Variants in SH3TC1 observed in about 807,000 individuals in gnomAD.
The protein encoded by SH3TC1 is SH3 domain and tetratricopeptide repeats 1.
Under a neutral mutation model 117.3 loss-of-function variants are expected in SH3TC1, and 135 were observed. The ratio of observed to expected loss-of-function variants is 1.15; its 90% CI spans 1.00 to 1.33. The LOEUF is 1.33. SH3TC1 is among the 40% of genes most tolerant of loss of function. The pLI, the probability that SH3TC1 is intolerant of heterozygous loss-of-function variation, is 0.00. For synonymous variants in SH3TC1, 898 were observed against 816.9 expected, an observed-to-expected ratio of 1.10 and a Z score of -1.69; for missense variants, 2,092 against 1,794.3, an observed-to-expected ratio of 1.17 and a Z score of -3.00.
intron 7 of SH3TC1, among the ~76,000 whole-genome samples, 185 bp from the exon 8 acceptor site, chr4:8,218,086 G>T (rs1215948937): frequency 6.6e-6 from 1 of 152,182 alleles, no homozygotes; most frequent in African/African-American, 2.4e-5. Flanking sequence ...CCACACGCAC[G>T]GGGCCTGAAG....
rs1269983358 is a variant in SH3TC1, at chr4:8,205,482, G to A, written c.172+116G>A. 1.5e-6 allele frequency: 2 copies of A among 1,333,558 alleles called. No individual in the cohort carries two copies. The highest frequency in any genetic ancestry group is 1.1e-6 in the Non-Finnish European group (1 of 931,264). The allele number at this position is 1,333,558 out of a possible 1,614,324, so 82.6% of individuals were successfully genotyped here. A position where few individuals can be genotyped will look rare whatever the true frequency, so the allele number is the denominator to read the frequency against. On this transcript the variant is annotated intron_variant, in intron 2 of 17. Transcript: ENST00000245105. The surrounding 1 kb of genome is among the most constrained non-coding windows in gnomAD (Gnocchi z 5.4). ...TGCCTCCAGGCCTCTTGGGGCTGGGGCTGGAGTCTGCTCTCCATCACTTCT... is the reference window on the plus strand; with the variant it reads ...TGCCTCCAGGCCTCTTGGGGCTGGGACTGGAGTCTGCTCTCCATCACTTCT...
rs779725868 is a variant in SH3TC1 at position 8,235,561 on chromosome 4, C to G, written c.3405+6C>G. On this transcript the variant is annotated splice_donor_region_variant and intron_variant, in intron 15 of 17. Transcript: ENST00000245105. ...AAGCTGTGTCCTTCTACCGGGTGAG[C>G]TGGCCTGTGGGCTGATGTGGGTGGG... 2 of 1,590,372 alleles carry G rather than the reference C, an allele frequency of 1.3e-6. No individual in the cohort carries two copies. Among genetic ancestry groups the G allele is most frequent in the South Asian group, 2.3e-5 (2 of 88,134 alleles).
intron 1 of SH3TC1, among the ~76,000 whole-genome samples, chr4:8,204,172 G>C (rs1718014455): frequency 2.0e-5 from 3 of 152,216 alleles, no homozygotes. Flanking sequence ...GGGGATGTTT[G>C]CTGGCCACTG....
At chr4:8,224,278 C>T (rs1720257333) in intron 10 of SH3TC1, among the ~76,000 whole-genome samples, 1 of 152,228 alleles carries the variant, frequency 6.6e-6, no homozygotes, top group African/African-American at 2.4e-5. Flanking sequence ...TTTCTCCCAC[C>T]AGTATTAGAG....
chr4:8,234,124 TCATCCATCCATTTATCCATTCATC>T (rs1426695791), intron 14 of SH3TC1, among the ~76,000 whole-genome samples: 3 of 148,438 alleles, frequency 2.0e-5, no homozygotes, highest in African/African-American at 5.0e-5. Flanking sequence ...GATCCTTCCA[TCATCCATCCATTTATCCATTCATC>T]CATCCATCCA....
At chr4:8,191,688 C>T (rs1353129386) in intron 1 of SH3TC1, among the ~76,000 whole-genome samples, 2 of 152,126 alleles carry the variant, frequency 1.3e-5, no homozygotes, top group African/African-American at 4.8e-5. Context: ...AACTTGGGTG[C>T]GCAGAGGAAT....
chr4:8,222,380 T>G (rs1433415353), intron 9 of SH3TC1, among the ~76,000 whole-genome samples: 2 of 141,170 alleles, frequency 1.4e-5, no homozygotes, highest in Non-Finnish European at 3.1e-5. Flanking sequence ...TTTTTTTTTT[T>G]TTTTTTTTTT....
chr4:8,222,719 T>A lies in SH3TC1; in HGVS notation c.1113-121T>A, dbSNP rs1379769568. 2.4e-5 allele frequency: 29 copies of A among 1,226,606 alleles called. 1 individual carries two copies. Among genetic ancestry groups the A allele is most frequent in the South Asian group, 7.2e-5 (5 of 69,162 alleles). 76.0% of individuals were successfully genotyped at this position (1,226,606 alleles called of 1,614,324 possible). A position where few individuals can be genotyped will look rare whatever the true frequency, so the allele number is the denominator to read the frequency against. ...GTTTTTAAATCTCTGTCTCTACCCC[T>A]GGGCAGAGAGTAGTGCTCCGAGACT... On this transcript the variant is annotated intron_variant, in intron 9 of 17. Coordinates refer to ENST00000245105, the MANE Select transcript of SH3TC1 (RefSeq NM_018986.5).
chr4:8,226,104 T>C (rs1026789583), intron 11 of SH3TC1, among the ~76,000 whole-genome samples: 1 of 152,202 alleles, frequency 6.6e-6, no homozygotes, highest in African/African-American at 2.4e-5. Flanking sequence ...CAGTTTGTAG[T>C]GAAAATATTT....
chr4:8,195,799 G>C (rs919879269), upstream of SH3TC1, among the ~76,000 whole-genome samples: 1 of 152,156 alleles, frequency 6.6e-6, no homozygotes, highest in Non-Finnish European at 1.5e-5. Context: ...CACCCGCTTT[G>C]AGTCTCAGGT....
intron 13 of SH3TC1, chr4:8,232,547 C>T (rs556602158): frequency 7.3e-7 from 1 of 1,365,680 alleles, no homozygotes; most frequent in East Asian, 4.4e-5. Context: ...ACCACAGCAG[C>T]CACCTGTGGC....
intron 15 of SH3TC1, 37 bp downstream of exon 15, chr4:8,235,592 G>A: frequency 2.0e-6 from 3 of 1,525,528 alleles, no homozygotes; most frequent in Non-Finnish European, 1.8e-6. Context: ...GTGGGCCCCA[G>A]GGGGGGCACC....
intron 3 of SH3TC1, 80 bp from the exon 4 acceptor site, chr4:8,212,621 G>T: frequency 6.3e-7 from 1 of 1,590,108 alleles, no homozygotes; most frequent in African/African-American, 1.3e-5. Context: ...TGGGTTGGAG[G>T]CTGGCAGGTG....
At chr4:8,194,632 T>C (rs1025965261), upstream of SH3TC1, among the ~76,000 whole-genome samples, 2 of 152,116 alleles carry the variant, frequency 1.3e-5, no homozygotes, top group Non-Finnish European at 2.9e-5. Context: ...GGTGGGGAGA[T>C]GGAGAAACTC....
rs749443030 is a variant in SH3TC1, at chr4:8,235,453, G to T, written c.3303G>T (p.Leu1101=). 6.3e-7 allele frequency: 1 copy of T among 1,588,830 alleles called. No homozygotes were observed. The highest frequency in any genetic ancestry group is 1.8e-5 in the Admixed American group (1 of 56,584). ...LYIQVAQNVA[L]YTGDPNLGLE... ...TTCAGGTGGCACAGAACGTGGCCCT[G>T]TACACAGGCGACCCCAACCTGGGGC... is the stretch of plus-strand genomic sequence containing the variant. Residue 1101 remains leucine, a synonymous_variant, in exon 15 of 18, where the codon CTG becomes CTT. Coordinates refer to ENST00000245105, the MANE Select transcript of SH3TC1 (RefSeq NM_018986.5).
intron 17 of SH3TC1, 150 bp from the exon 18 acceptor site, chr4:8,240,548 C>A (rs1285160829): frequency 1.5e-6 from 2 of 1,290,430 alleles, no homozygotes; most frequent in African/African-American, 1.5e-5. Flanking sequence ...CCACCTCCTG[C>A]AGCTGAGCCC....
chr4:8,227,529 G>A lies in SH3TC1; in HGVS notation c.1835G>A (p.Arg612Gln), dbSNP rs552621094. Reference protein sequence around the residue: ...AVYANLASIYRKQKNREKCAQ... With the variant: ...AVYANLASIYQKQKNREKCAQ... ...TACGCCAACCTGGCCAGCATTTACC[G>A]GAAGCAGAAGAACCGGGAGAAGTGT... The change falls in exon 12 of 18, where the codon CGG becomes CAG. Residue 612 changes from arginine (R) to glutamine (Q), a missense_variant. Coordinates refer to ENST00000245105, the MANE Select transcript of SH3TC1 (RefSeq NM_018986.5). The A allele has an allele frequency of 9.8e-6, 15 of 1,534,488 alleles. No individual in the cohort carries two copies. Among genetic ancestry groups the A allele is most frequent in the East Asian group, 2.3e-5 (1 of 44,356 alleles).
upstream of SH3TC1, among the ~76,000 whole-genome samples, chr4:8,197,275 G>A (rs139060637): frequency 3.0e-3 from 464 of 152,284 alleles, 5 homozygotes; most frequent in African/African-American, 0.011. Flanking sequence ...AGGGAGCATG[G>A]CCCTTCCGAC....
In SH3TC1 at chr4:8,210,585, C is replaced by A. The variant is rs575399631; in HGVS notation, c.247+763C>A. On this transcript the variant is annotated intron_variant, in intron 3 of 17. Transcript: ENST00000245105. The surrounding 1 kb of genome is among the most constrained non-coding windows in gnomAD (Gnocchi z 4.1). The stretch of plus-strand genomic sequence containing the variant: ...TCAGGAGTTCAAGATCAGCCTGGCC[C>A]ATATGGTGAAACCCCATCTCTACTA... Among the ~76,000 whole-genome samples, 1 of 151,922 alleles carries A rather than the reference C, an allele frequency of 6.6e-6. No individual in the cohort carries two copies. Among genetic ancestry groups the A allele is most frequent in the Non-Finnish European group, 1.5e-5 (1 of 67,916 alleles).
Sources: gnomAD v4.1 joint callset for allele counts (sites outside exome capture counted in the v4.1 genomes callset) on GRCh38, gnomAD v4.1.1 for gene constraint, Gnocchi (gnomAD v3.1) non-coding constraint, MANE v1.5 for transcripts, NCBI Gene and HGNC (gene_info 2026-07-23, HGNC 2026-07-21) for gene names.